The following RBFOX1 variants were observed in gnomAD, a reference collection of about 807,000 sequenced individuals.
RBFOX1 encodes RNA binding fox-1 homolog 1.
Under a neutral mutation model 57.7 loss-of-function variants are expected in RBFOX1, and 8 were observed. The observed-to-expected ratio is 0.14, with a 90% CI of 0.08 to 0.25. The LOEUF (loss-of-function observed/expected upper bound fraction) is 0.25. Ranked by LOEUF, RBFOX1 falls within the 10% of genes least tolerant of loss-of-function variation. The pLI is 1.00. For missense variants in RBFOX1, 611 were observed against 548.5 expected (o/e 1.11, Z -1.14); for synonymous variants, 326 against 222.4 (o/e 1.47, Z -4.15).
intron 3 of RBFOX1, among the ~76,000 whole-genome samples, chr16:6,998,603 G>C (rs1052093131): frequency 1.3e-5 from 2 of 152,106 alleles, no homozygotes; most frequent in Non-Finnish European, 2.9e-5. Flanking sequence ...CATTGTGATC[G>C]ATGACTTTTG....
chr16:7,293,149 C>G (rs891940335), intron 4 of RBFOX1, among the ~76,000 whole-genome samples: 1 of 152,166 alleles, frequency 6.6e-6, no homozygotes, highest in Non-Finnish European at 1.5e-5. Flanking sequence ...ATTCAGTCAA[C>G]TGCAGATCAA....
chr16:6,784,297 G>C (rs1015185756), intron 3 of RBFOX1, among the ~76,000 whole-genome samples: 1 of 151,860 alleles, frequency 6.6e-6, no homozygotes, highest in Admixed American at 6.6e-5. Context: ...GGCATCTTTT[G>C]TTCTTTTTTA....
At chr16:6,305,911 GAGGT>G (rs748386629) in intron 1 of RBFOX1, among the ~76,000 whole-genome samples, 4 of 152,110 alleles carry the variant, frequency 2.6e-5, no homozygotes, top group Non-Finnish European at 5.9e-5. Context: ...AGCTGGACAT[GAGGT>G]AGGTAGGAAG....
At chr16:5,898,720 T>C (rs2058227740) in intron 4 of RBFOX1, among the ~76,000 whole-genome samples, 1 of 151,890 alleles carries the variant, frequency 6.6e-6, no homozygotes, top group South Asian at 2.1e-4. Flanking sequence ...AGTTTAACCA[T>C]TATGCTCTAC....
At chr16:7,325,935 G>C (rs2096605638) in intron 4 of RBFOX1, among the ~76,000 whole-genome samples, 1 of 152,056 alleles carries the variant, frequency 6.6e-6, no homozygotes, top group Non-Finnish European at 1.5e-5. Context: ...TGCATGTCTG[G>C]CAGTGAGTGT....
chr16:7,269,585 G>T (rs1008986476), intron 4 of RBFOX1, among the ~76,000 whole-genome samples: 1 of 152,078 alleles, frequency 6.6e-6, no homozygotes, highest in Non-Finnish European at 1.5e-5. Context: ...ACCATGCCAT[G>T]AATCATTTTG....
At chr16:6,747,371 C>T (rs1456743276) in intron 3 of RBFOX1, among the ~76,000 whole-genome samples, 1 of 151,882 alleles carries the variant, frequency 6.6e-6, no homozygotes, top group African/African-American at 2.4e-5. Context: ...GGCCCCATTG[C>T]CCTCCAGACT....
At chr16:7,704,510 G>C (rs1342069940) in intron 14 of RBFOX1, among the ~76,000 whole-genome samples, 1 of 152,126 alleles carries the variant, frequency 6.6e-6, no homozygotes. Context: ...CATAATTACA[G>C]GCATGAGTGT....
intron 1 of RBFOX1, among the ~76,000 whole-genome samples, chr16:5,360,561 T>C (rs1049524735): frequency 6.6e-6 from 1 of 152,180 alleles, no homozygotes; most frequent in Admixed American, 6.5e-5. Flanking sequence ...AGTGAATTGA[T>C]ACTTTAAGGG....
At chr16:5,797,869 C>G (rs747574635) in intron 3 of RBFOX1, among the ~76,000 whole-genome samples, 7 of 152,116 alleles carry the variant, frequency 4.6e-5, no homozygotes, top group Non-Finnish European at 7.3e-5. Flanking sequence ...GGCCTTAGAA[C>G]AAGCAGGACA....
intron 4 of RBFOX1, among the ~76,000 whole-genome samples, chr16:7,316,509 C>T (rs970537581): frequency 6.6e-6 from 1 of 152,164 alleles, no homozygotes; most frequent in African/African-American, 2.4e-5. Flanking sequence ...GCCTCTGTCT[C>T]AGAGATTGGG....
rs1321577899 is a variant in RBFOX1 at position 6,702,304 on chromosome 16, A to G, written c.-16+47654A>G. 6.6e-5 allele frequency among the ~76,000 whole-genome samples: 10 copies of G among 152,296 alleles called. No homozygotes were observed. The South Asian group carries it at 1.9e-3, about 28-fold the overall frequency. ...CGTGGTGGCTCATGCCTGTAAACCC[A>G]GTACTTTGGAAGGCCGAGGCAGGCA... On this transcript the variant is annotated intron_variant, in intron 3 of 15. Transcript: ENST00000550418.
intron 3 of RBFOX1, among the ~76,000 whole-genome samples, chr16:6,993,858 C>G (rs1416927048): frequency 6.6e-6 from 1 of 152,094 alleles, no homozygotes; most frequent in Non-Finnish European, 1.5e-5. Flanking sequence ...GAAGCAATAC[C>G]ACCTCTTCCC....
At chr16:6,863,725 C>CTTTGTTTTTTTTTTTTTTTTTTTT (rs2059412869) in intron 3 of RBFOX1, among the ~76,000 whole-genome samples, 1 of 67,766 alleles carries the variant, frequency 1.5e-5, no homozygotes, top group African/African-American at 7.5e-5. Flanking sequence ...GATGCCTGCG[C>CTTTGTTTTTTTTTTTTTTTTTTTT]TTTTTTTTTT....
chr16:6,811,291 C>T (rs2088491258), intron 3 of RBFOX1, among the ~76,000 whole-genome samples: 1 of 152,094 alleles, frequency 6.6e-6, no homozygotes, highest in Non-Finnish European at 1.5e-5. Flanking sequence ...ATAGAATTAC[C>T]TCTCAACTTT....
chr16:7,037,806 C>A (rs1379674947), intron 3 of RBFOX1, among the ~76,000 whole-genome samples: 4 of 151,432 alleles, frequency 2.6e-5, no homozygotes, highest in Non-Finnish European at 5.9e-5. Context: ...GTTCTCTGAA[C>A]CACTGCATTT....
intron 3 of RBFOX1, among the ~76,000 whole-genome samples, chr16:6,887,658 T>G (rs755665937): frequency 3.5e-5 from 5 of 142,662 alleles, no homozygotes; most frequent in Admixed American, 6.8e-5. Context: ...TTGCTGTCTT[T>G]CCATAGTCAT....
intron 14 of RBFOX1, among the ~76,000 whole-genome samples, chr16:7,688,025 T>G (rs1269377794): frequency 6.6e-6 from 1 of 152,024 alleles, no homozygotes; most frequent in African/African-American, 2.4e-5. Flanking sequence ...TGAATATTTA[T>G]TAAAAAACAA....
At chr16:7,343,736 G>C (rs917326921) in intron 4 of RBFOX1, among the ~76,000 whole-genome samples, 1 of 152,288 alleles carries the variant, frequency 6.6e-6, no homozygotes, top group East Asian at 1.9e-4. Context: ...CTCTAGAGCA[G>C]ACTGCCTGGT....
Sources: gnomAD v4.1 joint callset for allele counts (sites outside exome capture counted in the v4.1 genomes callset) on GRCh38, gnomAD v4.1.1 for gene constraint, MANE v1.5 for transcripts, NCBI Gene and HGNC (gene_info 2026-07-23, HGNC 2026-07-21) for gene names.